Variants in STAT2 observed in about 807,000 individuals in gnomAD.
STAT2 encodes the protein signal transducer and activator of transcription 2.
Under a neutral mutation model 122.3 loss-of-function variants are expected in STAT2, and 51 were observed. The observed-to-expected ratio is 0.42, with a 90% CI of 0.33 to 0.53. The LOEUF is 0.53. Ranked by LOEUF, STAT2 falls within the 20% of genes least tolerant of loss-of-function variation. The pLI, the probability that STAT2 is intolerant of heterozygous loss-of-function variation, is 0.10. For synonymous variants in STAT2, 351 were observed against 394.9 expected, an observed-to-expected ratio of 0.89 and a Z score of 1.32; for missense variants, 736 against 1,010.3, an observed-to-expected ratio of 0.73 and a Z score of 3.68.
chr12:56,354,717 C>T, intron 7 of STAT2, 61 bp downstream of exon 7: 3 of 1,612,764 alleles, frequency 1.9e-6, no homozygotes, highest in Non-Finnish European at 1.7e-6. Flanking sequence ...GGACCAGGGT[C>T]CCCACATCCC....
intron 13 of STAT2, 188 bp downstream of exon 13, chr12:56,349,909 C>T: frequency 3.1e-6 from 2 of 653,520 alleles, no homozygotes; most frequent in Non-Finnish European, 5.3e-6. Flanking sequence ...ATTAGCCGGG[C>T]ATGGTGGTGT....
intron 19 of STAT2, among the ~76,000 whole-genome samples, chr12:56,347,698 C>T (rs1417828623): frequency 1.3e-5 from 2 of 152,018 alleles, no homozygotes; most frequent in Non-Finnish European, 2.9e-5. Flanking sequence ...GATGGGGTTT[C>T]GCCATGTTGG....
At position 56,351,169 on chromosome 12, in the gene STAT2, C is replaced by A. The variant is rs749521353; in HGVS notation, c.963G>T (p.Gln321His). 1 of 1,613,976 alleles carries A rather than the reference C, an allele frequency of 6.2e-7. No homozygotes were observed. ...GATGGGGAGTTTGGGGCATGCAGGGCTGGGTTTCTACCACAAAGGCTCTGA... is the reference window on the plus strand; with the variant it reads ...GATGGGGAGTTTGGGGCATGCAGGGATGGGTTTCTACCACAAAGGCTCTGA... ...LLHRAFVVET[Q>H]PCMPQTPHRP... Residue 321 changes from glutamine to histidine, a missense_variant, in exon 10 of 24, where the codon CAG (glutamine) becomes CAT (histidine). Transcript: ENST00000314128.
At chr12:56,350,305 A>G (rs906694940) in intron 12 of STAT2, 107 bp downstream of exon 12, 3 of 1,449,750 alleles carry the variant, frequency 2.1e-6, no homozygotes, top group African/African-American at 2.9e-5. Flanking sequence ...CCCTTTGTCC[A>G]TATCCCAAAT....
intron 19 of STAT2, among the ~76,000 whole-genome samples, chr12:56,347,677 T>C (rs1444833849): frequency 6.6e-6 from 1 of 151,980 alleles, no homozygotes; most frequent in Non-Finnish European, 1.5e-5. Flanking sequence ...AATTTTTGTA[T>C]TTTTAATAGA....
Position 56,351,171 on chromosome 12 carries a change from G to C in STAT2, c.961C>G (p.Gln321Glu), listed in dbSNP as rs768915623. 2 of 1,613,890 alleles carry C rather than the reference G, an allele frequency of 1.2e-6. No homozygotes were observed. Among genetic ancestry groups the C allele is most frequent in the African/African-American group, 1.3e-5 (1 of 74,898 alleles). Residue 321 changes from glutamine (Q) to glutamate (E), a missense_variant, in exon 10 of 24, where the codon CAG (glutamine) becomes GAG (glutamate). By Grantham distance (29) the Gln-to-Glu change is conservative. Coordinates refer to ENST00000314128, the MANE Select transcript of STAT2 (RefSeq NM_005419.4). The stretch of plus-strand genomic sequence containing the variant: ...TGGGGAGTTTGGGGCATGCAGGGCT[G>C]GGTTTCTACCACAAAGGCTCTGAGG... ...LLHRAFVVETQPCMPQTPHRP... is the reference protein window; with the variant it reads ...LLHRAFVVETEPCMPQTPHRP...
chr12:56,350,743 A>G, intron 11 of STAT2, 86 bp downstream of exon 11: 1 of 1,388,504 alleles, frequency 7.2e-7, no homozygotes, highest in Non-Finnish European at 1.0e-6. Flanking sequence ...GGAAGGAGAT[A>G]GCCCTAGGGC....
Position 56,345,495 on chromosome 12 carries a change from C to CAAA in STAT2, c.2102+648_2102+650dup, listed in dbSNP as rs1194953634. On this transcript the variant is annotated intron_variant, in intron 22 of 23. Coordinates refer to ENST00000314128, the MANE Select transcript of STAT2 (RefSeq NM_005419.4). ...AGCCTGGATAACAGAGACCCTGTCTCAAAAAAAAAAAAAAAAAAAAAAAAA... is the reference window on the plus strand; with the variant it reads ...AGCCTGGATAACAGAGACCCTGTCTCAAAAAAAAAAAAAAAAAAAAAAAAAAAA... Among the ~76,000 whole-genome samples the CAAA allele has an allele frequency of 4.4e-3, 20 of 4,578 alleles. 4 individuals carry two copies. The highest frequency in any genetic ancestry group is 5.1e-3 in the Admixed American group (2 of 390). The allele number at this position is 4,578 out of a possible 152,430, so 3.0% of individuals were successfully genotyped here.
rs35648397 is a variant in STAT2 at position 56,345,172 on chromosome 12, C to CAAAA, written c.2102+970_2102+973dup. On this transcript the variant is annotated intron_variant, in intron 22 of 23. Transcript: ENST00000314128. ...CCGGGCAATGAGAGTGAGACTGTCTCAAAAAAAAAAAAAAAAAAAAAAAAA... is the reference window on the plus strand; with the variant it reads ...CCGGGCAATGAGAGTGAGACTGTCTCAAAAAAAAAAAAAAAAAAAAAAAAAAAAA... 4.8e-4 allele frequency among the ~76,000 whole-genome samples: 13 copies of CAAAA among 27,150 alleles called. 2 individuals are homozygous for CAAAA. The highest frequency in any genetic ancestry group is 7.0e-4 in the Non-Finnish European group (11 of 15,664). The allele number at this position is 27,150 out of a possible 152,430, so 17.8% of individuals were successfully genotyped here. A position where few individuals can be genotyped will look rare whatever the true frequency, so the allele number is the denominator to read the frequency against.
chr12:56,356,584 T>C lies in STAT2; in HGVS notation c.-7-6A>G, dbSNP rs751668234. On this transcript the variant is annotated splice_polypyrimidine_tract_variant and splice_region_variant and intron_variant, in intron 1 of 23. Coordinates refer to ENST00000314128, the MANE Select transcript of STAT2 (RefSeq NM_005419.4). ...CCCACTGCGCCATTTGGGCTCTGCG[T>C]CAGAAGGATGAGGGTTCCCAATTGG... 5.0e-6 allele frequency: 8 copies of C among 1,614,046 alleles called. No homozygotes were observed. Among genetic ancestry groups the C allele is most frequent in the Non-Finnish European group, 5.9e-6 (7 of 1,179,952 alleles).
At chr12:56,355,574 C>A in intron 4 of STAT2, 42 bp from the exon 5 acceptor site, 1 of 1,611,992 alleles carries the variant, frequency 6.2e-7, no homozygotes, top group Non-Finnish European at 8.5e-7. Context: ...TCTGGCCTTT[C>A]ATGCCTTAAG....
At chr12:56,350,989 T>C in intron 10 of STAT2, 101 bp from the exon 11 acceptor site, 1 of 1,568,444 alleles carries the variant, frequency 6.4e-7, no homozygotes, top group Non-Finnish European at 8.8e-7. Flanking sequence ...GGTAGGGAGA[T>C]TGCAGGGAAA....
Position 56,343,546 on chromosome 12 carries a change from G to A in STAT2, c.2414-15C>T, listed in dbSNP as rs1216872726. ...GTTTCTGAAGACTAGGTAATCCAGAGAGAAAAGTGAGGCCCCGATCTTAGT... is the reference window on the plus strand; with the variant it reads ...GTTTCTGAAGACTAGGTAATCCAGAAAGAAAAGTGAGGCCCCGATCTTAGT... On this transcript the variant is annotated splice_polypyrimidine_tract_variant and intron_variant, in intron 23 of 23. Coordinates refer to ENST00000314128, the MANE Select transcript of STAT2 (RefSeq NM_005419.4). 1 of 1,610,714 alleles carries A rather than the reference G, an allele frequency of 6.2e-7. No homozygotes were observed. The highest frequency in any genetic ancestry group is 1.7e-5 in the Admixed American group (1 of 59,768).
rs1427792622 is a variant in STAT2 at position 56,355,733 on chromosome 12, A to G, written c.356T>C (p.Leu119Ser). ...FNLLLEEKRILIQAQRAQLEQ... is the reference protein window; with the variant it reads ...FNLLLEEKRISIQAQRAQLEQ... ...CAATTGGGCCCTCTGAGCCTGGATCAAAATTCTTTTTTCTTCCAGAAGGAG... is the reference window on the plus strand; with the variant it reads ...CAATTGGGCCCTCTGAGCCTGGATCGAAATTCTTTTTTCTTCCAGAAGGAG... The change falls in exon 4 of 24, where the codon TTG (leucine) becomes TCG (serine). Residue 119 changes from leucine (L) to serine (S), a missense_variant. Leu to Ser is a moderately radical substitution (Grantham distance 145, BLOSUM62 -2). Coordinates refer to ENST00000314128, the MANE Select transcript of STAT2 (RefSeq NM_005419.4). 3 of 1,614,142 alleles carry G rather than the reference A, an allele frequency of 1.9e-6. No individual in the cohort carries two copies. In the East Asian group the frequency reaches 6.7e-5, roughly 36 times the overall value.
intron 3 of STAT2, 102 bp downstream of exon 3, chr12:56,356,030 C>T (rs1879459219): frequency 6.7e-7 from 1 of 1,495,898 alleles, no homozygotes; most frequent in Non-Finnish European, 9.0e-7. Flanking sequence ...ACATTTGTTC[C>T]CGTCTCCCTT....
rs1310458637 is a variant in STAT2 at position 56,346,964 on chromosome 12, C to G, written c.1725-9G>C. On this transcript the variant is annotated splice_polypyrimidine_tract_variant and intron_variant, in intron 19 of 23. Coordinates refer to ENST00000314128, the MANE Select transcript of STAT2 (RefSeq NM_005419.4). ...CAAAGCCCATGATGCGTCTGGAGCA[C>G]AGAGAGCAGCTGTGAGACACCGCCC... 1.1e-5 allele frequency: 17 copies of G among 1,613,962 alleles called. No homozygotes were observed. Among genetic ancestry groups the G allele is most frequent in the Admixed American group, 1.7e-5 (1 of 59,998 alleles).
intron 6 of STAT2, 179 bp from the exon 7 acceptor site, chr12:56,355,042 C>T: frequency 1.4e-6 from 1 of 735,812 alleles, no homozygotes; most frequent in South Asian, 1.8e-5. Context: ...CAGACACCCC[C>T]TCAAATAAAA....
rs1565646557 is a variant in STAT2, at chr12:56,344,154, AC to A, written c.2103-20del. The A allele has an allele frequency of 6.5e-7, 1 of 1,543,520 alleles. No individual in the cohort carries two copies. Among genetic ancestry groups the A allele is most frequent in the East Asian group, 2.5e-5 (1 of 40,692 alleles). ...CACCTGTCTGGATACCCAAAGACAGACAAAGGGGCAGGGCTCAGTGGTTCAA... is the reference window on the plus strand; with the variant it reads ...CACCTGTCTGGATACCCAAAGACAGAAAAGGGGCAGGGCTCAGTGGTTCAA... On this transcript the variant is annotated intron_variant, in intron 22 of 23. Coordinates refer to ENST00000314128, the MANE Select transcript of STAT2 (RefSeq NM_005419.4).
intron 1 of STAT2, among the ~76,000 whole-genome samples, chr12:56,358,844 A>G (rs189582417): frequency 1.3e-4 from 20 of 152,246 alleles, no homozygotes; most frequent in African/African-American, 4.8e-4. Context: ...TGCAGTAAGC[A>G]GAGATCACAT....
Sources: gnomAD v4.1 joint callset for allele counts (sites outside exome capture counted in the v4.1 genomes callset) on GRCh38, gnomAD v4.1.1 for gene constraint, MANE v1.5 for transcripts, NCBI Gene and HGNC (gene_info 2026-07-23, HGNC 2026-07-21) for gene names.